The following ANK3 variants were observed in gnomAD, a reference collection of about 807,000 sequenced individuals.
The protein encoded by ANK3 is ankyrin-3.
Under a neutral mutation model 370.9 loss-of-function variants are expected in ANK3, and 57 were observed. The observed-to-expected ratio is 0.15, with a 90% CI of 0.12 to 0.19. ANK3 has a LOEUF of 0.19. Ranked by LOEUF, ANK3 falls within the 10% of genes least tolerant of loss-of-function variation. The pLI, the probability that ANK3 is intolerant of heterozygous loss-of-function variation, is 1.00. For missense variants in ANK3, 4,439 were observed against 5,302.1 expected (o/e 0.84, Z 5.06); for synonymous variants, 1,929 against 1,946.3 (o/e 0.99, Z 0.23).
At chr10:60,202,856 A>G (rs1205684319) in intron 12 of ANK3, 146 bp downstream of exon 12, 3 of 555,212 alleles carry the variant, frequency 5.4e-6, no homozygotes, top group Non-Finnish European at 3.1e-6. Flanking sequence ...GCAGTGAGCT[A>G]TGATTGCACC....
At chr10:60,548,595 G>A (rs2077023994) in intron 2 of ANK3, among the ~76,000 whole-genome samples, 1 of 151,750 alleles carries the variant, frequency 6.6e-6, no homozygotes, top group South Asian at 2.1e-4. Context: ...ATAAGGGTTG[G>A]GTCCTGATTT....
intron 25 of ANK3, among the ~76,000 whole-genome samples, chr10:60,130,007 G>C (rs2093978965): frequency 6.6e-6 from 1 of 152,114 alleles, no homozygotes; most frequent in African/African-American, 2.4e-5. Flanking sequence ...AGGAATGAAA[G>C]ACAAAAACTA....
At chr10:60,464,545 T>C (rs563975408) in intron 2 of ANK3, among the ~76,000 whole-genome samples, 4 of 152,206 alleles carry the variant, frequency 2.6e-5, no homozygotes, top group Non-Finnish European at 5.9e-5. Context: ...CTAAAAGTGA[T>C]CCACATGCAG....
In ANK3 at chr10:60,359,475, T is replaced by C. The variant is rs548333542; in HGVS notation, c.114+29950A>G. Among the ~76,000 whole-genome samples, 20 of 152,308 alleles carry C rather than the reference T, an allele frequency of 1.3e-4. 1 individual carries two copies. In the South Asian group the frequency reaches 3.9e-3, roughly 30 times the overall value. The stretch of plus-strand genomic sequence containing the variant: ...AATTCACACATAAATTAACTACTAT[T>C]ATTTACTAAAGCACCCTATCATATA... On this transcript the variant is annotated intron_variant, in intron 1 of 43. Coordinates refer to ENST00000280772, the MANE Select transcript of ANK3 (RefSeq NM_020987.5).
At chr10:60,451,567 G>A (rs2064603156) in intron 2 of ANK3, among the ~76,000 whole-genome samples, 1 of 152,182 alleles carries the variant, frequency 6.6e-6, no homozygotes, top group South Asian at 2.1e-4. Context: ...GAAGCAAAAT[G>A]TAAGCTTCAC....
chr10:60,539,917 C>A (rs1335313245), intron 2 of ANK3, among the ~76,000 whole-genome samples: 1 of 151,768 alleles, frequency 6.6e-6, no homozygotes, highest in Non-Finnish European at 1.5e-5. Context: ...GAGAAAAAAA[C>A]AAACAACAAA....
At chr10:60,053,763 T>A in intron 42 of ANK3, 1 of 1,302,284 alleles carries the variant, frequency 7.7e-7, no homozygotes, top group South Asian at 1.2e-5. Context: ...GGCTGTTTTC[T>A]GAGATCATAC....
At chr10:60,406,862 C>T (rs2063466433) in intron 2 of ANK3, among the ~76,000 whole-genome samples, 1 of 152,132 alleles carries the variant, frequency 6.6e-6, no homozygotes, top group African/African-American at 2.4e-5. Flanking sequence ...TTTTTCATTA[C>T]CTTGCCTTTT....
chr10:60,482,025 A>G (rs761695390), intron 2 of ANK3, among the ~76,000 whole-genome samples: 1 of 152,150 alleles, frequency 6.6e-6, no homozygotes, highest in Non-Finnish European at 1.5e-5. Flanking sequence ...GTCAGATTAG[A>G]GTTCCTGGCA....
chr10:60,343,204 T>C (rs2054648718), intron 1 of ANK3, among the ~76,000 whole-genome samples: 1 of 152,318 alleles, frequency 6.6e-6, no homozygotes, highest in South Asian at 2.1e-4. Context: ...AATGTATATA[T>C]ACATTATTAG....
At chr10:60,047,098 C>A (rs962109830) in intron 42 of ANK3, among the ~76,000 whole-genome samples, 1 of 152,140 alleles carries the variant, frequency 6.6e-6, no homozygotes, top group African/African-American at 2.4e-5. Context: ...TGAGCCACCG[C>A]GCCCGGCCTC....
chr10:60,064,310 A>G (rs375034865), intron 38 of ANK3, 22 bp from the exon 39 acceptor site: 4 of 1,553,434 alleles, frequency 2.6e-6, no homozygotes, highest in Non-Finnish European at 3.4e-6. Context: ...AAAGAGAGTT[A>G]CTAAGATTGC....
At chr10:60,520,571 C>T (rs1032840155) in intron 2 of ANK3, among the ~76,000 whole-genome samples, 1 of 152,144 alleles carries the variant, frequency 6.6e-6, no homozygotes, top group Non-Finnish European at 1.5e-5. Context: ...GAGGCCTGCT[C>T]AGTTTGCACA....
intron 1 of ANK3, among the ~76,000 whole-genome samples, chr10:60,300,934 C>T (rs1477187148): frequency 6.6e-6 from 1 of 151,966 alleles, no homozygotes; most frequent in African/African-American, 2.4e-5. Context: ...TATACACACT[C>T]ACACAGACAC....
At chr10:60,360,721 ACT>A (rs1413265323) in intron 1 of ANK3, among the ~76,000 whole-genome samples, 36 of 151,640 alleles carry the variant, frequency 2.4e-4, no homozygotes, top group African/African-American at 7.5e-4. Flanking sequence ...TGTCTAAAAT[ACT>A]CTCTTTTCCT....
intron 16 of ANK3, among the ~76,000 whole-genome samples, chr10:60,190,336 C>T (rs746960057): frequency 6.6e-5 from 10 of 152,120 alleles, no homozygotes; most frequent in Non-Finnish European, 1.5e-4. Context: ...TCACCACTGC[C>T]GGAATTCAGG....
intron 1 of ANK3, among the ~76,000 whole-genome samples, chr10:60,316,936 T>C (rs1308812112): frequency 2.0e-5 from 3 of 151,920 alleles, no homozygotes; most frequent in East Asian, 1.9e-4. Context: ...TTAGTAGAGA[T>C]GGGGTTTCAC....
intron 6 of ANK3, 86 bp from the exon 7 acceptor site, chr10:60,262,043 A>T: frequency 8.9e-7 from 1 of 1,122,598 alleles, no homozygotes; most frequent in Non-Finnish European, 1.3e-6. Context: ...CCCAAATAAA[A>T]ATGAGGAAGC....
chr10:60,537,131 G>A (rs2076742886), intron 2 of ANK3, among the ~76,000 whole-genome samples: 1 of 152,038 alleles, frequency 6.6e-6, no homozygotes, highest in East Asian at 1.9e-4. Context: ...AAATTTAGAG[G>A]GAGGATTTTA....
Sources: gnomAD v4.1 joint callset for allele counts (sites outside exome capture counted in the v4.1 genomes callset) on GRCh38, gnomAD v4.1.1 for gene constraint, MANE v1.5 for transcripts, NCBI Gene and HGNC (gene_info 2026-07-23, HGNC 2026-07-21) for gene names.